PCDH19: variants seen among roughly 807,000 people sequenced by gnomAD.
PCDH19 encodes protocadherin 19, also known as protocadherin-19.
In PCDH19, 6 loss-of-function variants were observed where a neutral mutation model predicts 46.2. The ratio of observed to expected loss-of-function variants is 0.13; its 90% CI spans 0.07 to 0.26. The LOEUF (loss-of-function observed/expected upper bound fraction) is 0.26. PCDH19 is among the 10% of genes least tolerant of loss of function. PCDH19 has a pLI of 1.00. For synonymous variants in PCDH19, 481 were observed against 415.7 expected, an observed-to-expected ratio of 1.16 and a Z score of -1.91; for missense variants, 740 against 972.3, an observed-to-expected ratio of 0.76 and a Z score of 3.18.
chrX:100,360,129 G>A (rs1338851111), intron 3 of PCDH19, among the ~76,000 whole-genome samples: 1 of 111,139 alleles, frequency 9.0e-6, no homozygotes, highest in Admixed American at 9.6e-5. Flanking sequence ...TGTGCCTTTG[G>A]GCCAAAACAA....
At chrX:100,362,012 A>G (rs755027797) in intron 3 of PCDH19, among the ~76,000 whole-genome samples, 1 of 111,949 alleles carries the variant, frequency 8.9e-6, no homozygotes, top group African/African-American at 3.2e-5. Context: ...TCAGACTCCC[A>G]GCAGCAAAAA....
chrX:100,307,630 C>T (rs1041723425), intron 5 of PCDH19, among the ~76,000 whole-genome samples: 3 of 111,019 alleles, frequency 2.7e-5, no homozygotes, highest in Non-Finnish European at 3.8e-5. Context: ...ATGATATGAT[C>T]GTATATCTAG....
rs924686008 is a variant in PCDH19 at position 100,402,581 on chromosome X, G to A, written c.2559C>T (p.Phe853=). 1 of 1,209,995 alleles carries A rather than the reference G, an allele frequency of 8.3e-7. No individual in the cohort carries two copies. The highest frequency in any genetic ancestry group is 1.1e-6 in the Non-Finnish European group (1 of 895,145). Residue 853 remains phenylalanine, a synonymous_variant, in exon 3 of 6, where the codon TTC becomes TTT. Transcript: ENST00000373034. ...CAGGCTGCTGGGGCCCCTGGCTGTTGAAAGAGTGATGGTAGATGTGGTTAG... is the reference window on the plus strand; with the variant it reads ...CAGGCTGCTGGGGCCCCTGGCTGTTAAAAGAGTGATGGTAGATGTGGTTAG... ...TSANHIYHHS[F]NSQGPQQPDL...
chrX:100,403,067 C>A (rs1220614894), intron 2 of PCDH19, among the ~76,000 whole-genome samples: 1 of 110,941 alleles, frequency 9.0e-6, no homozygotes, highest in Admixed American at 9.6e-5. Flanking sequence ...CTCCCACCAA[C>A]CCCCCCTAAA....
rs200854927 is a variant in PCDH19, at chrX:100,296,489, G to T, written c.3235C>A (p.Pro1079Thr). Reference protein sequence around the residue: ...LHLKSSLPTKPSVSYTIALAP... With the variant: ...LHLKSSLPTKTSVSYTIALAP... ...AGGGCAATGGTGTAAGACACGGAAG[G>T]CTTGGTGGGCAGAGAGCTCTTGAGG... Residue 1079 changes from proline (P) to threonine (T), a missense_variant, in exon 6 of 6, where the codon CCT becomes ACT. Coordinates refer to ENST00000373034, the MANE Select transcript of PCDH19 (RefSeq NM_001184880.2). 3 of 1,211,354 alleles carry T rather than the reference G, an allele frequency of 2.5e-6. No homozygotes were observed. The highest frequency in any genetic ancestry group is 1.7e-5 in the African/African-American group (1 of 57,678).
At chrX:100,395,033 G>A (rs1023676712) in intron 3 of PCDH19, among the ~76,000 whole-genome samples, 6 of 109,814 alleles carry the variant, frequency 5.5e-5, no homozygotes, top group Admixed American at 1.9e-4. Context: ...GACCACAGGC[G>A]CCCGCCACCA....
At chrX:100,401,650 C>CA (rs202013991) in intron 3 of PCDH19, among the ~76,000 whole-genome samples, 1,184 of 63,844 alleles carry the variant, frequency 0.019, 16 homozygotes, top group African/African-American at 0.053. Context: ...AACTCCATCT[C>CA]AAAAAAAAAA....
At position 100,296,851 on chromosome X, in the gene PCDH19, C is replaced by T. The variant is rs748581653; in HGVS notation, c.2873G>A (p.Arg958Gln). 1.7e-4 allele frequency: 202 copies of T among 1,206,546 alleles called. No homozygotes were observed. In the Middle Eastern group the frequency reaches 6.3e-3, roughly 38 times the overall value. ...GTGGCCAAGAATCCGGCATTCTTCC[C>T]GGCAATGAAATCCTTCATTCTGATC... is the stretch of plus-strand genomic sequence containing the variant. ...DHDQNEGFHC[R>Q]EECRILGHSD... The change falls in exon 6 of 6, where the codon CGG becomes CAG. Residue 958 changes from arginine (R) to glutamine (Q), a missense_variant. Arg to Gln is a conservative substitution (Grantham distance 43). Around this residue, in one of 5 missense-constraint regions of PCDH19, gnomAD observed 416 missense variants for 476.8 expected, o/e 0.87. Coordinates refer to ENST00000373034, the MANE Select transcript of PCDH19 (RefSeq NM_001184880.2).
At chrX:100,388,370 C>A (rs1927774667) in intron 3 of PCDH19, among the ~76,000 whole-genome samples, 1 of 110,228 alleles carries the variant, frequency 9.1e-6, no homozygotes, top group Non-Finnish European at 1.9e-5. Context: ...CTGATTTTTT[C>A]AATTAATGTA....
At chrX:100,400,379 A>G (rs1480112629) in intron 3 of PCDH19, among the ~76,000 whole-genome samples, 3 of 112,342 alleles carry the variant, frequency 2.7e-5, no homozygotes, top group Non-Finnish European at 5.6e-5. Flanking sequence ...TACACAAGTC[A>G]TATTCCTTGG....
chrX:100,392,652 G>A (rs1458277344), intron 3 of PCDH19, among the ~76,000 whole-genome samples: 5 of 111,579 alleles, frequency 4.5e-5, no homozygotes, highest in African/African-American at 1.6e-4. Flanking sequence ...AGTCTTATGA[G>A]TGCAGTGTGT....
chrX:100,346,661 G>T (rs1926410151), intron 4 of PCDH19, among the ~76,000 whole-genome samples: 1 of 112,126 alleles, frequency 8.9e-6, no homozygotes, highest in Admixed American at 9.4e-5. Context: ...TATATACAAG[G>T]CACCATACGA....
intron 5 of PCDH19, among the ~76,000 whole-genome samples, chrX:100,301,751 C>T (rs1012533395): frequency 1.3e-4 from 15 of 111,757 alleles, no homozygotes; most frequent in African/African-American, 4.9e-4. Context: ...TCGAGGAAAC[C>T]TAATTGTTGA....
chrX:100,333,783 CTCT>C (rs1481612994), intron 5 of PCDH19, among the ~76,000 whole-genome samples: 1 of 93,162 alleles, frequency 1.1e-5, no homozygotes, highest in Non-Finnish European at 2.1e-5. Flanking sequence ...TGTTTTTTTC[CTCT>C]TCATTTTTTT....
At chrX:100,297,119 C>G (rs1057308262) in intron 5 of PCDH19, among the ~76,000 whole-genome samples, 1 of 111,135 alleles carries the variant, frequency 9.0e-6, no homozygotes, top group Admixed American at 9.5e-5. Context: ...TAAAGGGAAA[C>G]ACGTTATGAT....
chrX:100,343,810 T>C (rs1250551358), intron 4 of PCDH19, among the ~76,000 whole-genome samples: 1 of 112,044 alleles, frequency 8.9e-6, no homozygotes, highest in Admixed American at 9.5e-5. Context: ...AATAGACCTA[T>C]GCCTCTGAGA....
chrX:100,311,945 A>ATCTT (rs1387227442), intron 5 of PCDH19, among the ~76,000 whole-genome samples: 1 of 111,607 alleles, frequency 9.0e-6, no homozygotes, highest in Non-Finnish European at 1.9e-5. Context: ...CATTTCAAAT[A>ATCTT]TCTTTCTGGA....
In PCDH19 at chrX:100,409,277, C is replaced by G. The variant is rs1602639359; in HGVS notation, c.-680G>C. 9.0e-6 allele frequency: 1 copy of G among 111,553 alleles called. No individual in the cohort carries two copies. The highest frequency in any genetic ancestry group is 3.8e-4 in the South Asian group (1 of 2,615). 9.2% of individuals were successfully genotyped at this position (111,553 alleles called of 1,213,427 possible). Reference sequence around the variant, plus strand: ...GTTACTGGCAAGCGCCGCGGGCACCCGGTTATAGGGTTGAGTCGGATGGCG... The same window carrying G: ...GTTACTGGCAAGCGCCGCGGGCACCGGGTTATAGGGTTGAGTCGGATGGCG... On this transcript the variant is annotated 5_prime_UTR_variant, in exon 1 of 6. Coordinates refer to ENST00000373034, the MANE Select transcript of PCDH19 (RefSeq NM_001184880.2).
rs34299870 is a variant in PCDH19, at chrX:100,334,860, G to GTA, written c.2848+7041_2848+7042dup. On this transcript the variant is annotated intron_variant, in intron 5 of 5. Transcript: ENST00000373034. Reference sequence around the variant, plus strand: ...TATACACATATACATATATATGTCTGTATATATATATATATATGTTGGGAA... The same window carrying GTA: ...TATACACATATACATATATATGTCTGTATATATATATATATATATGTTGGGAA... 1.1e-3 allele frequency among the ~76,000 whole-genome samples: 111 copies of GTA among 103,753 alleles called. 1 individual carries two copies. The highest frequency in any genetic ancestry group is 2.9e-3 in the Admixed American group (27 of 9,303). The allele number at this position is 103,753 out of a possible 115,157, so 90.1% of individuals were successfully genotyped here.
Sources: gnomAD v4.1 joint callset for allele counts (sites outside exome capture counted in the v4.1 genomes callset) on GRCh38, gnomAD v4.1.1 for gene constraint, gnomAD v4.1.1 regional missense constraint, MANE v1.5 for transcripts, NCBI Gene and HGNC (gene_info 2026-07-23, HGNC 2026-07-21) for gene names.